CNTNAP2: variants seen among roughly 807,000 people sequenced by gnomAD.
CNTNAP2 encodes contactin-associated protein-like 2.
A neutral mutation model predicts 155.2 loss-of-function variants in CNTNAP2; 98 were observed. The observed-to-expected ratio is 0.63, with a 90% CI of 0.54 to 0.75. The LOEUF is 0.75. CNTNAP2 is among the 30% of genes least tolerant of loss of function. CNTNAP2 has a pLI of 0.00. For missense variants in CNTNAP2, 1,727 were observed against 1,688.1 expected, an observed-to-expected ratio of 1.02 and a Z score of -0.40; for synonymous variants, 651 against 631.2, an observed-to-expected ratio of 1.03 and a Z score of -0.47.
chr7:147,369,143 G>A (rs573528778), intron 9 of CNTNAP2, among the ~76,000 whole-genome samples: 1 of 152,276 alleles, frequency 6.6e-6, no homozygotes, highest in African/African-American at 2.4e-5. Flanking sequence ...TTATTTTATA[G>A]ACACAAAGTA....
intron 10 of CNTNAP2, among the ~76,000 whole-genome samples, chr7:147,422,706 C>T (rs955094986): frequency 1.3e-5 from 2 of 152,062 alleles, no homozygotes; most frequent in African/African-American, 2.4e-5. Flanking sequence ...GTATGGATAC[C>T]TTCTTTACAT....
intron 9 of CNTNAP2, among the ~76,000 whole-genome samples, chr7:147,342,599 C>T (rs1367353643): frequency 6.6e-6 from 1 of 152,164 alleles, no homozygotes; most frequent in Non-Finnish European, 1.5e-5. Flanking sequence ...TACTTCAGCA[C>T]ACCAAATCAG....
intron 15 of CNTNAP2, among the ~76,000 whole-genome samples, chr7:148,092,638 A>C (rs1001126046): frequency 6.6e-6 from 1 of 152,116 alleles, no homozygotes; most frequent in African/African-American, 2.4e-5. Flanking sequence ...GTGATTTAAA[A>C]ATCCTCCATG....
At chr7:147,275,644 A>G (rs552762175) in intron 8 of CNTNAP2, among the ~76,000 whole-genome samples, 21 of 152,128 alleles carry the variant, frequency 1.4e-4, no homozygotes, top group African/African-American at 5.1e-4. Context: ...TCCTGTTTGG[A>G]TGCCTTTTAC....
rs116804492 is a variant in CNTNAP2, at chr7:148,217,756, G to A, written c.3247+232G>A. On this transcript the variant is annotated intron_variant, in intron 19 of 23. Coordinates refer to ENST00000361727, the MANE Select transcript of CNTNAP2 (RefSeq NM_014141.6). The stretch of plus-strand genomic sequence containing the variant: ...TAATAATGTTGGTGAGGCATGTTGC[G>A]TTCTTTACAAGAATGCTGTTGCATG... Among the ~76,000 whole-genome samples the A allele has an allele frequency of 0.037, 5,634 of 152,306 alleles. 119 individuals carry two copies. The highest frequency in any genetic ancestry group is 0.082 in the Middle Eastern group (24 of 294).
chr7:148,360,767 T>C (rs1450188151), intron 21 of CNTNAP2, among the ~76,000 whole-genome samples: 1 of 151,994 alleles, frequency 6.6e-6, no homozygotes, highest in Non-Finnish European at 1.5e-5. Context: ...TTCAGATGAG[T>C]AAAAAGATGA....
At chr7:148,298,693 C>CAT (rs960300169) in intron 21 of CNTNAP2, among the ~76,000 whole-genome samples, 12 of 151,834 alleles carry the variant, frequency 7.9e-5, no homozygotes, top group African/African-American at 2.2e-4. Context: ...GACATATATA[C>CAT]ATATATATAT....
chr7:147,044,486 C>T (rs1340158140), intron 4 of CNTNAP2, among the ~76,000 whole-genome samples: 1 of 152,160 alleles, frequency 6.6e-6, no homozygotes, highest in Non-Finnish European at 1.5e-5. Flanking sequence ...CTAAGTATCT[C>T]TCTTCAGTTA....
chr7:147,734,801 C>A lies in CNTNAP2; in HGVS notation c.2098+95495C>A, dbSNP rs191835583. On this transcript the variant is annotated intron_variant, in intron 13 of 23. Coordinates refer to ENST00000361727, the MANE Select transcript of CNTNAP2 (RefSeq NM_014141.6). ...TCTTCTGGATTTTCTAGTTTGTTTGCATAGAGGTGTTTATAGTATTCTCTG... is the reference window on the plus strand; with the variant it reads ...TCTTCTGGATTTTCTAGTTTGTTTGAATAGAGGTGTTTATAGTATTCTCTG... 1.6e-4 allele frequency among the ~76,000 whole-genome samples: 24 copies of A among 152,272 alleles called. No homozygotes were observed. The South Asian group carries it at 5.0e-3, about 32-fold the overall frequency.
intron 13 of CNTNAP2, among the ~76,000 whole-genome samples, chr7:147,789,317 C>T (rs1262945352): frequency 6.6e-6 from 1 of 152,184 alleles, no homozygotes; most frequent in Non-Finnish European, 1.5e-5. Flanking sequence ...CCTTTCACTT[C>T]CTCCACTGCA....
intron 2 of CNTNAP2, among the ~76,000 whole-genome samples, chr7:146,805,463 T>C (rs998381964): frequency 6.6e-6 from 1 of 152,140 alleles, no homozygotes; most frequent in Admixed American, 6.6e-5. Context: ...TTATTAAATA[T>C]GTAGAGAGCA....
rs772331547 is a variant in CNTNAP2 at position 146,641,244 on chromosome 7, G to A, written c.98-133027G>A. Among the ~76,000 whole-genome samples the A allele has an allele frequency of 7.9e-5, 12 of 152,236 alleles. No individual in the cohort carries two copies. In the East Asian group the frequency reaches 1.4e-3, roughly 17 times the overall value. On this transcript the variant is annotated intron_variant, in intron 1 of 23. Transcript: ENST00000361727. ...TGGGAGGCTGAGGCAGGAGAATGGC[G>A]TGAACCCAGAGGCGGAGCTTGCAGT...
intron 12 of CNTNAP2, among the ~76,000 whole-genome samples, chr7:147,622,023 T>G (rs1028770159): frequency 2.0e-5 from 3 of 151,934 alleles, no homozygotes; most frequent in African/African-American, 7.2e-5. Flanking sequence ...TGACAAAAAC[T>G]ATAATAAGAC....
intron 7 of CNTNAP2, among the ~76,000 whole-genome samples, chr7:147,130,039 T>C (rs1490797224): frequency 1.3e-5 from 2 of 152,130 alleles, no homozygotes; most frequent in Non-Finnish European, 2.9e-5. Flanking sequence ...ATTTTGTAGA[T>C]GAAAACATTG....
intron 1 of CNTNAP2, among the ~76,000 whole-genome samples, chr7:146,370,764 G>T (rs965731591): frequency 1.3e-5 from 2 of 152,068 alleles, no homozygotes; most frequent in Non-Finnish European, 2.9e-5. Context: ...CCCATTATTT[G>T]TATGGCAAAT....
chr7:147,322,717 G>T, intron 9 of CNTNAP2, among the ~76,000 whole-genome samples: 1 of 142,468 alleles, frequency 7.0e-6, no homozygotes, highest in Non-Finnish European at 1.5e-5. Context: ...GACTCTTTTT[G>T]GTTGGTAAAC....
chr7:146,209,656 A>G (rs1471911491), intron 1 of CNTNAP2, among the ~76,000 whole-genome samples: 1 of 152,238 alleles, frequency 6.6e-6, no homozygotes, highest in African/African-American at 2.4e-5. Context: ...ATGTAAAAGT[A>G]TAGTATCTAG....
chr7:146,383,779 A>G (rs927038964), intron 1 of CNTNAP2, among the ~76,000 whole-genome samples: 4 of 152,170 alleles, frequency 2.6e-5, no homozygotes, highest in African/African-American at 9.7e-5. Context: ...TCATTTGGAC[A>G]ATAGTCTTGT....
intron 14 of CNTNAP2, among the ~76,000 whole-genome samples, chr7:147,934,809 A>C (rs2253031): frequency 1.3e-5 from 2 of 151,938 alleles, no homozygotes; most frequent in Non-Finnish European, 2.9e-5. Flanking sequence ...AAAATGAAAA[A>C]CTTGTTTTAC....
Sources: gnomAD v4.1 joint callset for allele counts (sites outside exome capture counted in the v4.1 genomes callset) on GRCh38, gnomAD v4.1.1 for gene constraint, MANE v1.5 for transcripts, NCBI Gene and HGNC (gene_info 2026-07-23, HGNC 2026-07-21) for gene names.